The following CLOCK variants were observed in gnomAD, a reference collection of about 807,000 sequenced individuals.
The protein encoded by CLOCK is clock circadian regulator, also known as circadian locomoter output cycles protein kaput.
Under a neutral mutation model 118.4 loss-of-function variants are expected in CLOCK, and 43 were observed. That is an observed-to-expected ratio of 0.36 (90% CI 0.28 to 0.47). CLOCK has a LOEUF of 0.47. Among genes scored for constraint, CLOCK ranks in the 20% least tolerant of loss-of-function variants. CLOCK has a pLI of 1.00. For missense variants in CLOCK, 846 were observed against 999.9 expected, an observed-to-expected ratio of 0.85 and a Z score of 2.08; for synonymous variants, 326 against 339.2, an observed-to-expected ratio of 0.96 and a Z score of 0.43.
intron 1 of CLOCK, among the ~76,000 whole-genome samples, chr4:55,535,072 G>C (rs1730802711): frequency 6.6e-6 from 1 of 151,760 alleles, no homozygotes; most frequent in African/African-American, 2.4e-5. Flanking sequence ...GGGATCACAA[G>C]TGCATGCCAC....
At chr4:55,459,769 C>G (rs1686428015) in intron 9 of CLOCK, among the ~76,000 whole-genome samples, 1 of 152,034 alleles carries the variant, frequency 6.6e-6, no homozygotes, top group Admixed American at 6.6e-5. Context: ...CTCAAGTGAG[C>G]CCCCTGCCTC....
rs1197342741 is a variant in CLOCK, at chr4:55,428,626, G to GAGCTAC, written c.*6783_*6788dup. On this transcript the variant is annotated 3_prime_UTR_variant, in exon 23 of 23. Coordinates refer to ENST00000513440, the MANE Select transcript of CLOCK (RefSeq NM_004898.4). ...CCACCGTTTTGGAAGTAAAAATGAT[G>GAGCTAC]AGCTACATCTACTTTTTAATTTAAA... 1 of 152,092 alleles carries GAGCTAC rather than the reference G, an allele frequency of 6.6e-6. No homozygotes were observed. Among genetic ancestry groups the GAGCTAC allele is most frequent in the African/African-American group, 2.4e-5 (1 of 41,388 alleles). The allele number at this position is 152,092 out of a possible 1,614,324, so 9.4% of individuals were successfully genotyped here.
intron 18 of CLOCK, among the ~76,000 whole-genome samples, chr4:55,447,128 A>G (rs1171883624): frequency 6.6e-6 from 1 of 151,556 alleles, no homozygotes; most frequent in African/African-American, 2.4e-5. Flanking sequence ...GGACTTTGGG[A>G]GGCCGAGGTG....
chr4:55,467,642 T>C (rs1725825030), intron 8 of CLOCK, among the ~76,000 whole-genome samples: 1 of 152,230 alleles, frequency 6.6e-6, no homozygotes, highest in African/African-American at 2.4e-5. Context: ...ATACTTATTT[T>C]AAATTACTTA....
chr4:55,456,077 TGGGG>T, intron 12 of CLOCK, 74 bp from the exon 13 acceptor site: 1 of 978,580 alleles, frequency 1.0e-6, no homozygotes, highest in Non-Finnish European at 1.6e-6. Context: ...AAATAAACTT[TGGGG>T]GGGGGGCTTT....
intron 2 of CLOCK, among the ~76,000 whole-genome samples, chr4:55,499,585 C>T (rs192835005): frequency 2.2e-4 from 34 of 152,342 alleles, no homozygotes; most frequent in African/African-American, 7.5e-4. Flanking sequence ...TGACAGGAGG[C>T]GGAGCTCAGG....
chr4:55,492,864 TA>T (rs1727811687), intron 2 of CLOCK, among the ~76,000 whole-genome samples: 1 of 151,878 alleles, frequency 6.6e-6, no homozygotes, highest in Admixed American at 6.6e-5. Flanking sequence ...TAAAATAAAA[TA>T]AAAACAGTAA....
chr4:55,531,317 T>C (rs981294586), intron 1 of CLOCK, among the ~76,000 whole-genome samples: 4 of 151,820 alleles, frequency 2.6e-5, no homozygotes, highest in South Asian at 2.1e-4. Context: ...TCAATAGATA[T>C]AATTTGAAGT....
intron 2 of CLOCK, among the ~76,000 whole-genome samples, chr4:55,500,763 T>G (rs745820491): frequency 3.3e-5 from 5 of 152,226 alleles, no homozygotes; most frequent in Non-Finnish European, 7.3e-5. Context: ...TCACGACTAA[T>G]TGTTATCTAG....
At chr4:55,463,564 A>C in intron 9 of CLOCK, 121 bp downstream of exon 9, 2 of 803,908 alleles carry the variant, frequency 2.5e-6, no homozygotes, top group Non-Finnish European at 4.0e-6. Context: ...TTGAAAAAGG[A>C]CCTAATAGGG....
chr4:55,487,391 A>T (rs189730336), intron 3 of CLOCK, among the ~76,000 whole-genome samples: 2 of 152,294 alleles, frequency 1.3e-5, no homozygotes, highest in East Asian at 3.9e-4. Flanking sequence ...AGGTTGAAAT[A>T]TTTCTTTGGG....
Position 55,454,993 on chromosome 4 carries a change from C to T in CLOCK, c.982+904G>A, listed in dbSNP as rs184638129. On this transcript the variant is annotated intron_variant, in intron 13 of 22. Transcript: ENST00000513440. Reference sequence around the variant, plus strand: ...ACAACATCATGGTGCTTAATGCCCACATCTTTTGTGCTGAAATGACTTTAC... The same window carrying T: ...ACAACATCATGGTGCTTAATGCCCATATCTTTTGTGCTGAAATGACTTTAC... Among the ~76,000 whole-genome samples the T allele has an allele frequency of 2.0e-5, 3 of 152,212 alleles. No homozygotes were observed. The East Asian group carries it at 5.8e-4, about 29-fold the overall frequency.
intron 1 of CLOCK, among the ~76,000 whole-genome samples, chr4:55,524,564 T>C (rs1163558485): frequency 6.6e-6 from 1 of 152,198 alleles, no homozygotes; most frequent in Non-Finnish European, 1.5e-5. Context: ...TATGAATAAG[T>C]GCAGCCTGAG....
chr4:55,523,314 C>G (rs552838542), intron 1 of CLOCK, among the ~76,000 whole-genome samples: 2 of 151,984 alleles, frequency 1.3e-5, no homozygotes, highest in South Asian at 4.2e-4. Flanking sequence ...AACAAACAAA[C>G]AAAACCAGAC....
intron 2 of CLOCK, among the ~76,000 whole-genome samples, chr4:55,509,334 A>G (rs1252788884): frequency 1.3e-5 from 2 of 152,232 alleles, no homozygotes; most frequent in Admixed American, 1.3e-4. Context: ...CTTTACTCAT[A>G]AACACTAAAA....
Position 55,447,048 on chromosome 4 carries a change from GT to G in CLOCK, c.1539+1730del, listed in dbSNP as rs376362128. Among the ~76,000 whole-genome samples the G allele has an allele frequency of 2.5e-4, 36 of 145,814 alleles. No individual in the cohort carries two copies. In the South Asian group the frequency reaches 7.7e-3, roughly 31 times the overall value. On this transcript the variant is annotated intron_variant, in intron 18 of 22. Coordinates refer to ENST00000513440, the MANE Select transcript of CLOCK (RefSeq NM_004898.4). ...TCAACTCCCTCAAGTTTTTTTTTTT[GT>G]TTTTTTTTAAATATTAGTCAAAATG... is the stretch of plus-strand genomic sequence containing the variant.
intron 1 of CLOCK, among the ~76,000 whole-genome samples, chr4:55,513,976 C>T (rs150734808): frequency 1.5e-3 from 231 of 152,140 alleles, no homozygotes; most frequent in African/African-American, 5.3e-3. Flanking sequence ...ACCTTGTATC[C>T]TGCTACCTTG....
At chr4:55,511,037 C>A (rs1409960635) in intron 1 of CLOCK, among the ~76,000 whole-genome samples, 1 of 152,120 alleles carries the variant, frequency 6.6e-6, no homozygotes, top group Non-Finnish European at 1.5e-5. Context: ...TTCAGGGGAC[C>A]TTTGCAAGAG....
chr4:55,511,450 T>C (rs1729141649), intron 1 of CLOCK, among the ~76,000 whole-genome samples: 1 of 152,184 alleles, frequency 6.6e-6, no homozygotes, highest in South Asian at 2.1e-4. Context: ...AGAACATTAA[T>C]TTGGTTCCTT....
Sources: allele counts gnomAD v4.1 joint callset (sites outside exome capture counted in the v4.1 genomes callset), GRCh38; gene constraint gnomAD v4.1.1; transcripts MANE v1.5; gene names NCBI Gene and HGNC (gene_info 2026-07-23, HGNC 2026-07-21).